The following ZNF565 variants were observed in gnomAD, a reference collection of about 807,000 sequenced individuals.
The protein encoded by ZNF565 is zinc finger protein 565.
ZNF565 carries 27 observed loss-of-function variants against 39.4 expected under a neutral mutation model. The ratio of observed to expected loss-of-function variants is 0.69; its 90% CI spans 0.51 to 0.95. ZNF565 has a LOEUF of 0.95. Ranked by LOEUF, ZNF565 falls within the 40% of genes least tolerant of loss-of-function variation. The pLI, the probability that ZNF565 is intolerant of heterozygous loss-of-function variation, is 0.00. For synonymous variants in ZNF565, 185 were observed against 216.6 expected (o/e 0.85, Z 1.28); for missense variants, 524 against 621.1 (o/e 0.84, Z 1.66).
chr19:36,217,656 A>G (rs959970586), upstream of ZNF565, among the ~76,000 whole-genome samples: 5 of 152,056 alleles, frequency 3.3e-5, no homozygotes, highest in African/African-American at 1.2e-4. Context: ...AGGCCAACGC[A>G]GGCGGATCAC....
intron 1 of ZNF565, among the ~76,000 whole-genome samples, chr19:36,205,167 C>A (rs963359889): frequency 6.6e-6 from 1 of 152,036 alleles, no homozygotes; most frequent in Non-Finnish European, 1.5e-5. Context: ...GTGTGTCGTT[C>A]GCTTAAGCTC....
chr19:36,225,636 T>C (rs1340692651), intron 1 of ZNF565, among the ~76,000 whole-genome samples: 1 of 151,890 alleles, frequency 6.6e-6, no homozygotes, highest in Non-Finnish European at 1.5e-5. Flanking sequence ...TATTTTTTTT[T>C]AGTGCTAAGC....
At chr19:36,202,315 C>A (rs368568069) in intron 1 of ZNF565, among the ~76,000 whole-genome samples, 10 of 151,938 alleles carry the variant, frequency 6.6e-5, no homozygotes, top group African/African-American at 2.2e-4. Flanking sequence ...TGCAGTGAGC[C>A]GAGACTGCAC....
At chr19:36,240,736 GCA>G (rs1291716733) in intron 1 of ZNF565, among the ~76,000 whole-genome samples, 1 of 152,010 alleles carries the variant, frequency 6.6e-6, no homozygotes, top group Non-Finnish European at 1.5e-5. Context: ...GGGTGTAGTG[GCA>G]CACACCTGTA....
At chr19:36,205,904 G>C (rs1976132938) in intron 1 of ZNF565, among the ~76,000 whole-genome samples, 1 of 151,916 alleles carries the variant, frequency 6.6e-6, no homozygotes, top group Non-Finnish European at 1.5e-5. Context: ...CACTGTTCTA[G>C]GAACGAGGAA....
intron 1 of ZNF565, among the ~76,000 whole-genome samples, chr19:36,207,209 G>A (rs901889516): frequency 9.2e-5 from 14 of 152,140 alleles, no homozygotes; most frequent in African/African-American, 3.4e-4. Flanking sequence ...AAACAGGAAG[G>A]TACGAAACTT....
At chr19:36,191,198 T>G (rs1033581043) in intron 4 of ZNF565, among the ~76,000 whole-genome samples, 8 of 151,492 alleles carry the variant, frequency 5.3e-5, no homozygotes, top group African/African-American at 1.7e-4. Context: ...GATTGCAGTT[T>G]GCCGACCCCT....
intron 1 of ZNF565, among the ~76,000 whole-genome samples, chr19:36,224,867 TCTTA>T (rs895285156): frequency 2.0e-5 from 3 of 152,204 alleles, no homozygotes; most frequent in African/African-American, 4.8e-5. Context: ...TTTGGACACT[TCTTA>T]CTAAGTTTAT....
chr19:36,222,926 G>C (rs1200205948), intron 1 of ZNF565, among the ~76,000 whole-genome samples: 1 of 150,802 alleles, frequency 6.6e-6, no homozygotes, highest in East Asian at 2.0e-4. Flanking sequence ...CTTAGAATGA[G>C]CCCCCTGTGG....
chr19:36,223,836 T>C (rs1211583180), intron 1 of ZNF565, among the ~76,000 whole-genome samples: 1 of 151,112 alleles, frequency 6.6e-6, no homozygotes, highest in East Asian at 1.9e-4. Context: ...AGCCTTCATA[T>C]CCTCGCTAAT....
At chr19:36,212,608 C>A (rs1418909579) in intron 1 of ZNF565, among the ~76,000 whole-genome samples, 16 of 149,332 alleles carry the variant, frequency 1.1e-4, no homozygotes, top group African/African-American at 4.0e-4. Context: ...GGTGACAGAG[C>A]AGGACTCCGT....
intron 1 of ZNF565, chr19:36,236,778 C>G: frequency 6.2e-7 from 1 of 1,614,104 alleles, no homozygotes; most frequent in Non-Finnish European, 8.5e-7. Flanking sequence ...ATTCAGAAGT[C>G]AAACCTCATC....
At chr19:36,212,142 C>T (rs986437513) in intron 1 of ZNF565, among the ~76,000 whole-genome samples, 1 of 152,160 alleles carries the variant, frequency 6.6e-6, no homozygotes, top group African/African-American at 2.4e-5. Flanking sequence ...ACATCGCTTT[C>T]GGAGTATTCT....
At chr19:36,216,589 C>T (rs1430781208), upstream of ZNF565, among the ~76,000 whole-genome samples, 2 of 102,614 alleles carry the variant, frequency 1.9e-5, no homozygotes, top group African/African-American at 3.4e-5. Context: ...ACCTGGGAGG[C>T]GGAGGTTGCA....
chr19:36,183,675 G>C lies in ZNF565; in HGVS notation c.291C>G (p.Phe97Leu), dbSNP rs1975175218. The C allele has an allele frequency of 1.2e-6, 2 of 1,613,382 alleles. No homozygotes were observed. The highest frequency in any genetic ancestry group is 1.7e-6 in the Non-Finnish European group (2 of 1,179,658). Residue 97 changes from phenylalanine (F) to leucine (L), a missense_variant, in exon 5 of 5, where the codon TTC (phenylalanine) becomes TTG (leucine). Transcript: ENST00000304116. ...LQKDIFEIGA[F>L]NWEIMESLKC... ...TAAGGCTTTCCATTATCTCCCAGTT[G>C]AATGCCCCGATTTCAAAAATGTCTT...
At chr19:36,193,218 C>T (rs1211316516) in intron 4 of ZNF565, among the ~76,000 whole-genome samples, 3 of 151,370 alleles carry the variant, frequency 2.0e-5, no homozygotes, top group Admixed American at 6.6e-5. Context: ...CTCCTGACCT[C>T]GTGATCCGCC....
chr19:36,189,380 T>C (rs1243139539), intron 4 of ZNF565, among the ~76,000 whole-genome samples: 1 of 151,646 alleles, frequency 6.6e-6, no homozygotes, highest in Non-Finnish European at 1.5e-5. Flanking sequence ...AGTGGTGTGA[T>C]CTTGGCTCAC....
intron 1 of ZNF565, among the ~76,000 whole-genome samples, chr19:36,232,063 C>T (rs531543360): frequency 1.3e-5 from 2 of 151,974 alleles, no homozygotes; most frequent in African/African-American, 2.4e-5. Flanking sequence ...ACTAGCTGGG[C>T]GTGGTGATGC....
intron 1 of ZNF565, among the ~76,000 whole-genome samples, chr19:36,221,093 G>A (rs562891763): frequency 1.3e-5 from 2 of 150,540 alleles, no homozygotes; most frequent in African/African-American, 4.9e-5. Context: ...CTTCCTACTC[G>A]TCTTGGCCTC....
Sources: gnomAD v4.1 joint callset for allele counts (sites outside exome capture counted in the v4.1 genomes callset) on GRCh38, gnomAD v4.1.1 for gene constraint, MANE v1.5 for transcripts, NCBI Gene and HGNC (gene_info 2026-07-23, HGNC 2026-07-21) for gene names.